BANP: variants seen among roughly 807,000 people sequenced by gnomAD.
The protein encoded by BANP is protein BANP.
BANP carries 11 observed loss-of-function variants against 68.1 expected under a neutral mutation model. The ratio of observed to expected loss-of-function variants is 0.16; its 90% CI spans 0.10 to 0.27. The LOEUF (loss-of-function observed/expected upper bound fraction) is 0.27, where lower values mean the gene tolerates loss of function less well. Ranked by LOEUF, BANP falls within the 10% of genes least tolerant of loss-of-function variation. The pLI is 1.00. For synonymous variants in BANP, 329 were observed against 303.2 expected, an observed-to-expected ratio of 1.09 and a Z score of -0.88; for missense variants, 504 against 722.7, an observed-to-expected ratio of 0.70 and a Z score of 3.47.
chr16:88,056,571 C>T (rs1023818538), intron 11 of BANP, among the ~76,000 whole-genome samples: 1 of 151,656 alleles, frequency 6.6e-6, no homozygotes, highest in African/African-American at 2.4e-5. Flanking sequence ...TCGCTGTTAG[C>T]TGAAGCTGAA....
At chr16:88,053,709 C>G in intron 11 of BANP, among the ~76,000 whole-genome samples, 1 of 150,546 alleles carries the variant, frequency 6.6e-6, no homozygotes, top group African/African-American at 2.5e-5. Flanking sequence ...CCATCATCAT[C>G]ATCACCAACA....
chr16:88,041,254 G>A (rs1365314293), intron 11 of BANP, among the ~76,000 whole-genome samples: 4 of 152,236 alleles, frequency 2.6e-5, no homozygotes, highest in Non-Finnish European at 4.4e-5. Context: ...AGGGTTGTGC[G>A]CTGTGCTTGT....
At chr16:87,992,308 G>A (rs1219964664) in intron 4 of BANP, among the ~76,000 whole-genome samples, 1 of 152,146 alleles carries the variant, frequency 6.6e-6, no homozygotes, top group Non-Finnish European at 1.5e-5. Context: ...ATGTTAGTCT[G>A]CAGTTTTCTT....
intron 1 of BANP, among the ~76,000 whole-genome samples, chr16:87,961,491 G>C (rs542597998): frequency 5.4e-5 from 8 of 149,112 alleles, no homozygotes; most frequent in African/African-American, 2.0e-4. Flanking sequence ...CATATGCATC[G>C]ACCAAAACAA....
chr16:88,070,323 G>A (rs2089986460), intron 12 of BANP, among the ~76,000 whole-genome samples: 1 of 152,170 alleles, frequency 6.6e-6, no homozygotes, highest in African/African-American at 2.4e-5. Flanking sequence ...CTGGGACCAT[G>A]TCGGGCTGGC....
chr16:87,962,438 A>G (rs904063285), intron 1 of BANP, among the ~76,000 whole-genome samples: 1 of 152,184 alleles, frequency 6.6e-6, no homozygotes, highest in African/African-American at 2.4e-5. Flanking sequence ...ATCGATAGGT[A>G]GAATCTGTAC....
chr16:88,072,313 T>A (rs758101982), intron 13 of BANP, 101 bp downstream of exon 13: 43 of 1,296,830 alleles, frequency 3.3e-5, no homozygotes, highest in South Asian at 2.0e-4. Flanking sequence ...TGACTCTTCC[T>A]GTGCAGAGGG....
intron 11 of BANP, among the ~76,000 whole-genome samples, chr16:88,055,088 T>C (rs942908711): frequency 2.6e-5 from 4 of 152,200 alleles, no homozygotes; most frequent in African/African-American, 9.6e-5. Context: ...CTAGTACGTG[T>C]GTATTTTAAT....
At chr16:87,964,570 G>C (rs1171347567) in intron 1 of BANP, among the ~76,000 whole-genome samples, 1 of 149,970 alleles carries the variant, frequency 6.7e-6, no homozygotes, top group Non-Finnish European at 1.5e-5. Context: ...AGCCCCAGGG[G>C]CTGCAGAGGG....
chr16:87,996,507 G>A (rs11640691), intron 4 of BANP, among the ~76,000 whole-genome samples: 24 of 29,658 alleles, frequency 8.1e-4, no homozygotes, highest in African/African-American at 1.5e-3. Context: ...CCTGGGCGCC[G>A]GCTGGGCTCT....
chr16:87,984,041 G>A lies in BANP; in HGVS notation c.163-19G>A, dbSNP rs779325471. 5.6e-6 allele frequency: 9 copies of A among 1,613,202 alleles called. No individual in the cohort carries two copies. The highest frequency in any genetic ancestry group is 1.7e-5 in the Admixed American group (1 of 59,962). On this transcript the variant is annotated intron_variant, in intron 3 of 13. Transcript: ENST00000682872. ...AGTTCAGGAGACCCTTCCTAAAGCC[G>A]GTCTTTTTTCACTTCCAGTCATTCC...
In BANP at chr16:88,018,278, C is replaced by T. The variant is rs2075063389; in HGVS notation, c.656-150C>T. On this transcript the variant is annotated intron_variant, in intron 6 of 13. Coordinates refer to ENST00000682872, the MANE Select transcript of BANP (RefSeq NM_001386991.1). This position sits in a 1 kb window ranked among gnomAD's most constrained non-coding sequence, Gnocchi z 7.7. Reference sequence around the variant, plus strand: ...TGGGCAGCAGTCGGAGGCTCCAGCGCTCTTGGTGACTGCCTCACAAGTTAC... The same window carrying T: ...TGGGCAGCAGTCGGAGGCTCCAGCGTTCTTGGTGACTGCCTCACAAGTTAC... 5.0e-6 allele frequency: 5 copies of T among 999,700 alleles called. No homozygotes were observed. Among genetic ancestry groups the T allele is most frequent in the Non-Finnish European group, 4.4e-6 (3 of 682,378 alleles). 61.9% of individuals were successfully genotyped at this position (999,700 alleles called of 1,614,324 possible).
chr16:88,021,016 G>C (rs775959597), intron 7 of BANP, among the ~76,000 whole-genome samples: 1 of 152,190 alleles, frequency 6.6e-6, no homozygotes, highest in Non-Finnish European at 1.5e-5. Flanking sequence ...GATTCCTTGC[G>C]TGTTGTGGCT....
chr16:88,021,431 C>G (rs2076008557), intron 7 of BANP, among the ~76,000 whole-genome samples: 1 of 152,144 alleles, frequency 6.6e-6, no homozygotes, highest in South Asian at 2.1e-4. Flanking sequence ...GTGTGGCTGA[C>G]CTTCAGGGTG....
chr16:88,075,759 T>TG (rs1201151028), intron 13 of BANP, among the ~76,000 whole-genome samples: 1 of 149,902 alleles, frequency 6.7e-6, no homozygotes, highest in Non-Finnish European at 1.5e-5. Context: ...TTTTTTTTTT[T>TG]TTTTTGAGAT....
upstream of BANP, chr16:87,950,519 C>G (rs1309608325): frequency 6.6e-6 from 1 of 152,046 alleles, no homozygotes; most frequent in Non-Finnish European, 1.5e-5. Context: ...ACTGCAACCT[C>G]TGACTCGCGG....
intron 6 of BANP, among the ~76,000 whole-genome samples, chr16:88,008,797 T>C (rs1329166456): frequency 6.6e-6 from 1 of 152,224 alleles, no homozygotes; most frequent in Non-Finnish European, 1.5e-5. Context: ...ACAACACAGG[T>C]TGTTAGGATT....
Position 88,018,753 on chromosome 16 carries a change from G to T in BANP, c.895+86G>T. 1 of 1,462,640 alleles carries T rather than the reference G, an allele frequency of 6.8e-7. No individual in the cohort carries two copies. Among genetic ancestry groups the T allele is most frequent in the East Asian group, 2.5e-5 (1 of 40,080 alleles). The allele number at this position is 1,462,640 out of a possible 1,614,324, so 90.6% of individuals were successfully genotyped here. On this transcript the variant is annotated intron_variant, in intron 7 of 13. Coordinates refer to ENST00000682872, the MANE Select transcript of BANP (RefSeq NM_001386991.1). The surrounding 1 kb of genome is among the most constrained non-coding windows in gnomAD (Gnocchi z 7.7). ...TTCAATGCTGAGGACGCTGGCATCAGTAGCACCGGCACGGGGCTGCGTTTC... is the reference window on the plus strand; with the variant it reads ...TTCAATGCTGAGGACGCTGGCATCATTAGCACCGGCACGGGGCTGCGTTTC...
upstream of BANP, chr16:87,950,849 G>C (rs1260414376): frequency 6.6e-6 from 1 of 152,230 alleles, no homozygotes; most frequent in Non-Finnish European, 1.5e-5. Flanking sequence ...ATAGACACTG[G>C]GGACCCCTGA....
Sources: allele counts gnomAD v4.1 joint callset (sites outside exome capture counted in the v4.1 genomes callset), GRCh38; gene constraint gnomAD v4.1.1; non-coding constraint Gnocchi (gnomAD v3.1); transcripts MANE v1.5; gene names NCBI Gene and HGNC (gene_info 2026-07-23, HGNC 2026-07-21).